Variants in NEO1 observed in about 807,000 individuals in gnomAD.
NEO1 encodes neogenin.
A neutral mutation model predicts 159.7 loss-of-function variants in NEO1; 63 were observed. The ratio of observed to expected loss-of-function variants is 0.39; its 90% CI spans 0.32 to 0.49. The LOEUF (loss-of-function observed/expected upper bound fraction) is 0.49. Among genes scored for constraint, NEO1 ranks in the 20% least tolerant of loss-of-function variants. The pLI is 0.85. For missense variants in NEO1, 1,615 were observed against 1,831.0 expected (o/e 0.88, Z 2.15); for synonymous variants, 633 against 662.0 (o/e 0.96, Z 0.67).
intron 7 of NEO1, among the ~76,000 whole-genome samples, chr15:73,181,870 T>C (rs906530604): frequency 6.6e-6 from 1 of 151,372 alleles, no homozygotes; most frequent in African/African-American, 2.4e-5. Flanking sequence ...AACATTGTTA[T>C]AGAGAAGCCA....
intron 1 of NEO1, among the ~76,000 whole-genome samples, chr15:73,091,110 C>T (rs1482294836): frequency 6.6e-6 from 1 of 152,194 alleles, no homozygotes; most frequent in South Asian, 2.1e-4. Context: ...ATTACTACCT[C>T]CCTTTACAAT....
At chr15:73,067,880 T>A (rs1246710594) in intron 1 of NEO1, among the ~76,000 whole-genome samples, 1 of 152,062 alleles carries the variant, frequency 6.6e-6, no homozygotes, top group Non-Finnish European at 1.5e-5. Context: ...CCTCCCAAAG[T>A]GCTGGGATTA....
chr15:73,241,027 A>G (rs922273837), intron 8 of NEO1, among the ~76,000 whole-genome samples: 2 of 152,216 alleles, frequency 1.3e-5, no homozygotes, highest in African/African-American at 4.8e-5. Flanking sequence ...CACTACCTGC[A>G]TTTACAAATT....
chr15:73,122,671 A>T lies in NEO1; in HGVS notation c.595A>T (p.Ile199Phe), dbSNP rs1262328304. The change falls in exon 3 of 29, where the codon ATC becomes TTC. Residue 199 changes from isoleucine (I) to phenylalanine (F), a missense_variant. This residue lies in a region of NEO1 where 1,018 missense variants were observed against 1,115.4 expected (regional missense o/e 0.91). Coordinates refer to ENST00000261908, the MANE Select transcript of NEO1 (RefSeq NM_002499.4). ...RQPLLLDDRV[I>F]KLPSGMLVIS... is the part of the protein sequence containing the mutation. ...ACCCCTTCTTCTGGATGATAGAGTTATCAAACTTCCAAGTGGAATGCTGGT... is the reference window on the plus strand; with the variant it reads ...ACCCCTTCTTCTGGATGATAGAGTTTTCAAACTTCCAAGTGGAATGCTGGT... The T allele has an allele frequency of 1.2e-6, 2 of 1,614,054 alleles. No individual in the cohort carries two copies. Among genetic ancestry groups the T allele is most frequent in the Non-Finnish European group, 1.7e-6 (2 of 1,180,030 alleles).
intron 1 of NEO1, among the ~76,000 whole-genome samples, chr15:73,079,558 A>G (rs2068940168): frequency 6.6e-6 from 1 of 152,192 alleles, no homozygotes; most frequent in Admixed American, 6.5e-5. Flanking sequence ...TTTATTTTAA[A>G]TAAATGTCTC....
Position 73,236,462 on chromosome 15 carries a change from C to T in NEO1, c.1407C>T (p.Asp469=). 6.2e-7 allele frequency: 1 copy of T among 1,614,114 alleles called. No homozygotes were observed. Among genetic ancestry groups the T allele is most frequent in the Non-Finnish European group, 8.5e-7 (1 of 1,180,012 alleles). Residue 469 remains aspartate, a synonymous_variant, in exon 8 of 29, where the codon GAC becomes GAT. Transcript: ENST00000261908. ...CACCTGCATCAGATCCTCACGGAGACAACCTTACCTACTCTGTGTTCTACA... is the reference window on the plus strand; with the variant it reads ...CACCTGCATCAGATCCTCACGGAGATAACCTTACCTACTCTGTGTTCTACA... ...WRTPASDPHG[D]NLTYSVFYTK...
At chr15:73,185,558 C>T (rs935766776) in intron 7 of NEO1, among the ~76,000 whole-genome samples, 1 of 152,098 alleles carries the variant, frequency 6.6e-6, no homozygotes, top group African/African-American at 2.4e-5. Context: ...CAGCCATTTT[C>T]GAAGATAGTT....
chr15:73,281,148 C>T (rs1381136880), intron 22 of NEO1, among the ~76,000 whole-genome samples: 1 of 142,810 alleles, frequency 7.0e-6, no homozygotes, highest in Non-Finnish European at 1.5e-5. Context: ...GCGGAGCTTG[C>T]AGTGAGCGGA....
At chr15:73,138,508 G>A (rs551153986) in intron 5 of NEO1, among the ~76,000 whole-genome samples, 16 of 152,130 alleles carry the variant, frequency 1.1e-4, no homozygotes, top group Non-Finnish European at 1.8e-4. Flanking sequence ...TGTAATCCCA[G>A]CACTTTGGGA....
intron 7 of NEO1, among the ~76,000 whole-genome samples, chr15:73,222,956 A>G (rs995879404): frequency 6.6e-6 from 1 of 152,190 alleles, no homozygotes; most frequent in Non-Finnish European, 1.5e-5. Flanking sequence ...GCTGTATCCC[A>G]GAGGTCTTGT....
In NEO1 at chr15:73,213,198, T is replaced by TTTG. The variant is rs530046801; in HGVS notation, c.1292-23133_1292-23131dup. On this transcript the variant is annotated intron_variant, in intron 7 of 28. Transcript: ENST00000261908. The stretch of plus-strand genomic sequence containing the variant: ...TGGAGGTTTTCAGGCATGGGCTCTT[T>TTTG]TTGTTGTTGTTGTTGTTGGTTGAAT... Among the ~76,000 whole-genome samples, 23 of 152,202 alleles carry TTTG rather than the reference T, an allele frequency of 1.5e-4. No homozygotes were observed. The South Asian group carries it at 2.3e-3, about 15-fold the overall frequency.
intron 26 of NEO1, among the ~76,000 whole-genome samples, chr15:73,298,130 G>A (rs2042451623): frequency 6.6e-6 from 1 of 152,150 alleles, no homozygotes; most frequent in African/African-American, 2.4e-5. Flanking sequence ...TGACCACTTA[G>A]CTGTGAGGTG....
At chr15:73,095,725 CA>C (rs2069988587) in intron 1 of NEO1, among the ~76,000 whole-genome samples, 1 of 150,180 alleles carries the variant, frequency 6.7e-6, no homozygotes, top group African/African-American at 2.5e-5. Flanking sequence ...TTGACCATTT[CA>C]GTTGTTTTAT....
intron 1 of NEO1, among the ~76,000 whole-genome samples, chr15:73,067,467 T>C (rs1371785835): frequency 6.8e-6 from 1 of 147,798 alleles, no homozygotes; most frequent in Non-Finnish European, 1.5e-5. Flanking sequence ...TTTTTTTTTT[T>C]GAGACAGAGT....
intron 1 of NEO1, among the ~76,000 whole-genome samples, chr15:73,112,628 G>A (rs950981004): frequency 3.3e-5 from 5 of 152,008 alleles, no homozygotes; most frequent in Admixed American, 1.3e-4. Context: ...GTAGTATAAC[G>A]TAGTATAAGA....
intron 22 of NEO1, among the ~76,000 whole-genome samples, chr15:73,281,270 C>A (rs1208614265): frequency 1.3e-5 from 2 of 150,316 alleles, no homozygotes; most frequent in African/African-American, 4.9e-5. Context: ...GATTTTTTCC[C>A]CCCTAGACGG....
At chr15:73,121,603 T>C (rs561976904) in intron 2 of NEO1, among the ~76,000 whole-genome samples, 1 of 152,302 alleles carries the variant, frequency 6.6e-6, no homozygotes, top group Admixed American at 6.5e-5. Context: ...TGTTTACTAG[T>C]TTTGGTGTCC....
At chr15:73,133,175 A>G (rs1055023913) in intron 4 of NEO1, among the ~76,000 whole-genome samples, 40 of 151,548 alleles carry the variant, frequency 2.6e-4, no homozygotes, top group African/African-American at 4.6e-4. Context: ...TGTGGTATGT[A>G]TATATATATA....
At chr15:73,258,230 A>T (rs1280711508) in intron 13 of NEO1, among the ~76,000 whole-genome samples, 2 of 152,186 alleles carry the variant, frequency 1.3e-5, no homozygotes, top group African/African-American at 4.8e-5. Flanking sequence ...ATAATATATG[A>T]GCAATTGGTT....
Sources: gnomAD v4.1 joint callset for allele counts (sites outside exome capture counted in the v4.1 genomes callset) on GRCh38, gnomAD v4.1.1 for gene constraint, gnomAD v4.1.1 regional missense constraint, MANE v1.5 for transcripts, NCBI Gene and HGNC (gene_info 2026-07-23, HGNC 2026-07-21) for gene names.